The following SBF2 variants were observed in gnomAD, a reference collection of about 807,000 sequenced individuals.
The protein encoded by SBF2 is myotubularin-related protein 13.
Under a neutral mutation model 225.2 loss-of-function variants are expected in SBF2, and 112 were observed. The ratio of observed to expected loss-of-function variants is 0.50; its 90% CI spans 0.43 to 0.58. The LOEUF (loss-of-function observed/expected upper bound fraction) is 0.58, where lower values mean the gene tolerates loss of function less well. Ranked by LOEUF, SBF2 falls within the 20% of genes least tolerant of loss-of-function variation. SBF2 has a pLI of 0.00. For synonymous variants in SBF2, 763 were observed against 773.3 expected, an observed-to-expected ratio of 0.99 and a Z score of 0.22; for missense variants, 1,996 against 2,206.2, an observed-to-expected ratio of 0.90 and a Z score of 1.91.
intron 16 of SBF2, among the ~76,000 whole-genome samples, chr11:9,898,529 G>T (rs1250579728): frequency 6.6e-6 from 1 of 151,912 alleles, no homozygotes; most frequent in Non-Finnish European, 1.5e-5. Context: ...AAACTAGCTG[G>T]GCACAGTGGC....
intron 16 of SBF2, among the ~76,000 whole-genome samples, chr11:9,954,140 T>C (rs1590592396): frequency 1.3e-5 from 2 of 152,312 alleles, no homozygotes; most frequent in East Asian, 3.9e-4. Context: ...TACACTGGCA[T>C]TGAAATAACC....
intron 37 of SBF2, among the ~76,000 whole-genome samples, chr11:9,784,737 T>C (rs1034833585): frequency 6.7e-6 from 1 of 150,200 alleles, no homozygotes; most frequent in African/African-American, 2.5e-5. Context: ...TAGAAGATAC[T>C]GTGTGAGAAG....
intron 16 of SBF2, among the ~76,000 whole-genome samples, chr11:9,917,465 G>A (rs1356186280): frequency 6.6e-6 from 1 of 151,432 alleles, no homozygotes; most frequent in African/African-American, 2.4e-5. Context: ...CCTAGTAGCT[G>A]GGATTACAGG....
intron 1 of SBF2, among the ~76,000 whole-genome samples, chr11:10,262,486 T>G (rs567172598): frequency 6.6e-6 from 1 of 152,268 alleles, no homozygotes; most frequent in East Asian, 1.9e-4. Flanking sequence ...TCTAGAGCAC[T>G]CACCTGGCAA....
intron 2 of SBF2, among the ~76,000 whole-genome samples, chr11:10,046,557 C>T (rs1949868005): frequency 6.6e-6 from 1 of 151,594 alleles, no homozygotes; most frequent in South Asian, 2.1e-4. Context: ...TTGACAAAAT[C>T]CAATACCTAT....
rs944654038 is a variant in SBF2, at chr11:9,779,465, T to C, written c.*953A>G. ...GAAAATCTAAAGACAGTTCTTACTT[T>C]TCATGTGTAGAAGTGTAGTTTGGGT... On this transcript the variant is annotated 3_prime_UTR_variant, in exon 40 of 40. Coordinates refer to ENST00000256190, the MANE Select transcript of SBF2 (RefSeq NM_030962.4). The C allele has an allele frequency of 2.0e-5, 3 of 152,626 alleles. No homozygotes were observed. The highest frequency in any genetic ancestry group is 7.2e-5 in the African/African-American group (3 of 41,436). 9.5% of individuals were successfully genotyped at this position (152,626 alleles called of 1,614,324 possible).
chr11:10,217,902 TC>T (rs1378104164), intron 1 of SBF2, among the ~76,000 whole-genome samples: 25 of 151,896 alleles, frequency 1.6e-4, no homozygotes, highest in Non-Finnish European at 2.4e-4. Context: ...CAAAGTCACA[TC>T]TTTTTTTCTT....
intron 1 of SBF2, among the ~76,000 whole-genome samples, chr11:10,279,647 T>C (rs1490926664): frequency 6.6e-6 from 1 of 152,086 alleles, no homozygotes; most frequent in South Asian, 2.1e-4. Context: ...ATCAGTGATA[T>C]GTTTTTTTGT....
chr11:10,017,681 G>C (rs1002769584), intron 6 of SBF2, among the ~76,000 whole-genome samples: 4 of 152,116 alleles, frequency 2.6e-5, no homozygotes, highest in African/African-American at 9.7e-5. Context: ...TCTGAAAGGA[G>C]GTGTAGTTTA....
intron 2 of SBF2, among the ~76,000 whole-genome samples, chr11:10,085,363 C>T (rs1951524372): frequency 6.6e-6 from 1 of 151,966 alleles, no homozygotes. Context: ...TTTCTGACCC[C>T]GTATTGAGTT....
At chr11:9,964,718 G>C (rs1324538892) in intron 14 of SBF2, among the ~76,000 whole-genome samples, 1 of 152,106 alleles carries the variant, frequency 6.6e-6, no homozygotes, top group East Asian at 1.9e-4. Flanking sequence ...GAAAATTCTA[G>C]TGTATTACCT....
At chr11:10,043,954 GAAAAT>G (rs1949755472) in intron 2 of SBF2, among the ~76,000 whole-genome samples, 1 of 152,134 alleles carries the variant, frequency 6.6e-6, no homozygotes, top group African/African-American at 2.4e-5. Context: ...AACTGAAAAT[GAAAAT>G]AAAACATCAA....
chr11:9,836,531 T>C (rs1037386347), intron 26 of SBF2, among the ~76,000 whole-genome samples: 1 of 152,212 alleles, frequency 6.6e-6, no homozygotes, highest in Admixed American at 6.5e-5. Flanking sequence ...ATAAAAACTC[T>C]TGACATCCTA....
intron 1 of SBF2, among the ~76,000 whole-genome samples, chr11:10,226,335 T>C (rs1368682215): frequency 6.6e-6 from 1 of 152,078 alleles, no homozygotes; most frequent in East Asian, 1.9e-4. Context: ...TTTCTTAATT[T>C]TATTATTATT....
rs16907122 is a variant in SBF2, at chr11:9,829,729, G to A, written c.3653-233C>T. On this transcript the variant is annotated intron_variant, in intron 27 of 39. Coordinates refer to ENST00000256190, the MANE Select transcript of SBF2 (RefSeq NM_030962.4). Reference sequence around the variant, plus strand: ...ACCTACTTCTTGATTGCCTCATTATGCTTCCAGAAAGAGCCCAGGTCTGGA... The same window carrying A: ...ACCTACTTCTTGATTGCCTCATTATACTTCCAGAAAGAGCCCAGGTCTGGA... 0.25 allele frequency: 119,298 copies of A among 484,740 alleles called. 16,523 individuals are homozygous for A. The highest frequency in any genetic ancestry group is 0.44 in the African/African-American group (22,772 of 51,362). 30.0% of individuals were successfully genotyped at this position (484,740 alleles called of 1,614,324 possible).
intron 2 of SBF2, among the ~76,000 whole-genome samples, chr11:10,169,270 T>C (rs1195279564): frequency 1.3e-5 from 2 of 152,180 alleles, no homozygotes; most frequent in African/African-American, 2.4e-5. Flanking sequence ...CACTAAATCT[T>C]ATTCATTCTA....
intron 2 of SBF2, among the ~76,000 whole-genome samples, chr11:10,058,851 T>A (rs533751322): frequency 2.6e-5 from 4 of 152,154 alleles, no homozygotes; most frequent in Non-Finnish European, 5.9e-5. Context: ...TGGGGGCCTA[T>A]ATTCAACATT....
intron 16 of SBF2, among the ~76,000 whole-genome samples, chr11:9,935,504 T>C (rs189339916): frequency 4.3e-4 from 65 of 152,288 alleles, no homozygotes; most frequent in Admixed American, 1.4e-3. Context: ...GCCAAGATAA[T>C]TCTAAACAAA....
chr11:10,157,145 G>A (rs541977420), intron 2 of SBF2, among the ~76,000 whole-genome samples: 1 of 152,058 alleles, frequency 6.6e-6, no homozygotes, highest in Non-Finnish European at 1.5e-5. Context: ...TTCAACAAAC[G>A]TGACAAAAAC....
Sources: allele counts gnomAD v4.1 joint callset (sites outside exome capture counted in the v4.1 genomes callset), GRCh38; gene constraint gnomAD v4.1.1; transcripts MANE v1.5; gene names NCBI Gene and HGNC (gene_info 2026-07-23, HGNC 2026-07-21).